The following PISD variants were observed in gnomAD, a reference collection of about 807,000 sequenced individuals.
PISD encodes phosphatidylserine decarboxylase.
In PISD, 31 loss-of-function variants were observed where a neutral mutation model predicts 43.5. The observed-to-expected ratio is 0.71, with a 90% CI of 0.54 to 0.96. The LOEUF (loss-of-function observed/expected upper bound fraction) is 0.96, where lower values mean the gene tolerates loss of function less well. PISD is among the 40% of genes least tolerant of loss of function. PISD has a pLI of 0.00. For missense variants in PISD, 523 were observed against 548.4 expected, an observed-to-expected ratio of 0.95 and a Z score of 0.46; for synonymous variants, 259 against 228.7, an observed-to-expected ratio of 1.13 and a Z score of -1.20.
At chr22:31,639,760 G>A (rs2073634413) in intron 3 of PISD, among the ~76,000 whole-genome samples, 1 of 152,074 alleles carries the variant, frequency 6.6e-6, no homozygotes, top group African/African-American at 2.4e-5. Context: ...ATAAACTACA[G>A]ATCTGTACCT....
rs574403772 is a variant in PISD, at chr22:31,625,730, C to T, written c.322-3845G>A. 12 of 1,565,780 alleles carry T rather than the reference C, an allele frequency of 7.7e-6. No homozygotes were observed. In the East Asian group the frequency reaches 9.5e-5, roughly 12 times the overall value. On this transcript the variant is annotated intron_variant, in intron 3 of 7. Coordinates refer to ENST00000439502, the MANE Select transcript of PISD (RefSeq NM_001326411.2). ...CCTTCCGGAGGTCGTGGCGGGGAAC[C>T]GTGGGGTTAGGGCGCGGTGGGCAGC...
chr22:31,619,908 G>A, intron 7 of PISD, 72 bp from the exon 8 acceptor site: 1 of 970,878 alleles, frequency 1.0e-6, no homozygotes, highest in Non-Finnish European at 1.6e-6. Flanking sequence ...CATGTGTTTG[G>A]AGTCCCACTC....
chr22:31,648,114 G>A lies in PISD; in HGVS notation c.308C>T (p.Ala103Val). 6.2e-7 allele frequency: 1 copy of A among 1,611,270 alleles called. No homozygotes were observed. The highest frequency in any genetic ancestry group is 8.5e-7 in the Non-Finnish European group (1 of 1,179,590). ...CCTCATTCCTACCTCCCAGTGACCA[G>A]CAAGTTTGGGTGGAATCTCCAATCC... is the stretch of plus-strand genomic sequence containing the variant. ...KLGLEIPPKL[A>V]GHWEVALYKS... Residue 103 changes from alanine to valine, a missense_variant, in exon 3 of 8, where the codon GCT becomes GTT. Physicochemically the swap from Ala to Val is moderately conservative, Grantham distance 64. Transcript: ENST00000439502.
intron 3 of PISD, chr22:31,626,120 TC>T (rs1217430901): frequency 8.9e-7 from 1 of 1,122,210 alleles, no homozygotes; most frequent in Non-Finnish European, 1.2e-6. Context: ...CTGTCCCCAG[TC>T]CTGGCCACCT....
intron 3 of PISD, chr22:31,623,867 A>G (rs1025150239): frequency 2.5e-6 from 4 of 1,606,876 alleles, no homozygotes; most frequent in South Asian, 1.1e-5. Context: ...GCACAGGTCC[A>G]TGCACAGCCA....
At chr22:31,640,844 G>T (rs1410990893) in intron 3 of PISD, among the ~76,000 whole-genome samples, 1 of 129,004 alleles carries the variant, frequency 7.8e-6, no homozygotes, top group Non-Finnish European at 1.6e-5. Context: ...GCCTCCCAAA[G>T]TGCTGGGATT....
Position 31,618,750 on chromosome 22 carries a change from A to C in PISD, c.*862T>G. On this transcript the variant is annotated 3_prime_UTR_variant, in exon 8 of 8. Transcript: ENST00000439502. ...TCCAGGCACTGACCAACTATCCACC[A>C]AGGGTCCTCTGCCTCCAAGACAGAC... 1.3e-5 allele frequency: 3 copies of C among 223,936 alleles called. No homozygotes were observed. Among genetic ancestry groups the C allele is most frequent in the African/African-American group, 2.3e-5 (1 of 44,024 alleles). 13.9% of individuals were successfully genotyped at this position (223,936 alleles called of 1,614,324 possible).
chr22:31,625,548 C>T (rs2072857709), intron 3 of PISD: 3 of 618,046 alleles, frequency 4.9e-6, no homozygotes, highest in Non-Finnish European at 8.5e-6. Flanking sequence ...CCTCCCCCTG[C>T]TGGGCCCTCC....
chr22:31,659,793 A>G (rs2074270935), intron 1 of PISD, among the ~76,000 whole-genome samples: 1 of 152,082 alleles, frequency 6.6e-6, no homozygotes, highest in South Asian at 2.1e-4. Context: ...CATGTTGGCC[A>G]GGCTGGTCTC....
intron 3 of PISD, among the ~76,000 whole-genome samples, chr22:31,624,787 CCTCT>C (rs1188063656): frequency 4.0e-5 from 6 of 150,114 alleles, no homozygotes; most frequent in Non-Finnish European, 8.9e-5. Context: ...CTGCATCCAG[CCTCT>C]CTGTGATCCG....
chr22:31,634,036 C>G (rs2073318417), intron 3 of PISD, among the ~76,000 whole-genome samples: 1 of 152,182 alleles, frequency 6.6e-6, no homozygotes. Flanking sequence ...TCTCAGGCCA[C>G]CTGCAGATGG....
At chr22:31,637,267 G>A (rs2073535293) in intron 3 of PISD, among the ~76,000 whole-genome samples, 1 of 143,438 alleles carries the variant, frequency 7.0e-6, no homozygotes, top group African/African-American at 2.6e-5. Context: ...GCAGGCTGAG[G>A]TGGGAGGATC....
chr22:31,630,828 C>G lies in PISD; in HGVS notation c.322-8943G>C, dbSNP rs1412371342. On this transcript the variant is annotated intron_variant, in intron 3 of 7. Coordinates refer to ENST00000439502, the MANE Select transcript of PISD (RefSeq NM_001326411.2). This position sits in a 1 kb window ranked among gnomAD's most constrained non-coding sequence, Gnocchi z 4.4. ...CCCGCAGGTGGCTCCAGCTTCCGGGCTCCGACTCCCTAGGGGCGCTCCCGG... is the reference window on the plus strand; with the variant it reads ...CCCGCAGGTGGCTCCAGCTTCCGGGGTCCGACTCCCTAGGGGCGCTCCCGG... The G allele has an allele frequency of 1.0e-6, 1 of 985,490 alleles. No homozygotes were observed. Among genetic ancestry groups the G allele is most frequent in the Non-Finnish European group, 1.2e-6 (1 of 829,976 alleles). The allele number at this position is 985,490 out of a possible 1,614,324, so 61.0% of individuals were successfully genotyped here.
intron 1 of PISD, among the ~76,000 whole-genome samples, chr22:31,656,669 TAAATAAATA>T (rs2074187239): frequency 6.6e-6 from 1 of 151,550 alleles, no homozygotes; most frequent in African/African-American, 2.4e-5. Flanking sequence ...AATAAATAAA[TAAATAAATA>T]AATAAACAAA....
chr22:31,629,190 C>A, intron 3 of PISD: 1 of 985,256 alleles, frequency 1.0e-6, no homozygotes, highest in Non-Finnish European at 1.2e-6. Context: ...GGCCAGGCAG[C>A]AGTTACTACA....
At chr22:31,641,823 AAATAAT>A (rs895276780) in intron 3 of PISD, among the ~76,000 whole-genome samples, 1 of 151,134 alleles carries the variant, frequency 6.6e-6, no homozygotes, top group South Asian at 2.1e-4. Context: ...CCATCTCAAA[AAATAAT>A]AATAATAATG....
At chr22:31,622,457 C>G (rs1318200988) in intron 3 of PISD, among the ~76,000 whole-genome samples, 1 of 152,242 alleles carries the variant, frequency 6.6e-6, no homozygotes, top group African/African-American at 2.4e-5. Flanking sequence ...TCACCTGGGC[C>G]TGAGCTGCAG....
At chr22:31,623,557 G>T in intron 3 of PISD, 2 of 967,244 alleles carry the variant, frequency 2.1e-6, no homozygotes, top group Non-Finnish European at 3.0e-6. Context: ...TTCCGACCCG[G>T]ACCCCCTGAA....
intron 3 of PISD, among the ~76,000 whole-genome samples, chr22:31,623,493 G>A (rs917905555): frequency 2.0e-5 from 3 of 152,158 alleles, no homozygotes; most frequent in Non-Finnish European, 2.9e-5. Flanking sequence ...AGTCACCCGC[G>A]GCCCAGGTAG....
Sources: allele counts gnomAD v4.1 joint callset (sites outside exome capture counted in the v4.1 genomes callset), GRCh38; gene constraint gnomAD v4.1.1; non-coding constraint Gnocchi (gnomAD v3.1); transcripts MANE v1.5; gene names NCBI Gene and HGNC (gene_info 2026-07-23, HGNC 2026-07-21).